The following HIVEP3 variants were observed in gnomAD, a reference collection of about 807,000 sequenced individuals.
HIVEP3 encodes transcription factor HIVEP3.
In HIVEP3, 49 loss-of-function variants were observed where a neutral mutation model predicts 152.8. The ratio of observed to expected loss-of-function variants is 0.32; its 90% CI spans 0.26 to 0.41. The LOEUF is 0.41. Among genes scored for constraint, HIVEP3 ranks in the 10% least tolerant of loss-of-function variants. The pLI is 1.00. For synonymous variants in HIVEP3, 1,269 were observed against 1,289.0 expected (o/e 0.98, Z 0.33); for missense variants, 2,790 against 3,103.3 (o/e 0.90, Z 2.40).
intron 3 of HIVEP3, among the ~76,000 whole-genome samples, chr1:41,625,308 ACTT>A (rs1645102535): frequency 6.6e-6 from 1 of 152,204 alleles, no homozygotes; most frequent in Non-Finnish European, 1.5e-5. Context: ...AGGTCAGCAA[ACTT>A]CTTCTGTAAA....
intron 1 of HIVEP3, among the ~76,000 whole-genome samples, chr1:41,972,465 A>G (rs957490996): frequency 4.6e-5 from 7 of 152,214 alleles, no homozygotes; most frequent in Non-Finnish European, 1.0e-4. Flanking sequence ...ATGGACAAGG[A>G]GGGTCCCTGC....
At chr1:41,739,454 T>C (rs1558227441) in intron 1 of HIVEP3, among the ~76,000 whole-genome samples, 1 of 152,150 alleles carries the variant, frequency 6.6e-6, no homozygotes, top group Admixed American at 6.5e-5. Flanking sequence ...GGCGGCCAAG[T>C]GACCGCCCAC....
chr1:41,758,001 C>T (rs911607413), intron 1 of HIVEP3, among the ~76,000 whole-genome samples: 2 of 152,148 alleles, frequency 1.3e-5, no homozygotes, highest in African/African-American at 2.4e-5. Context: ...TGTGAGCCAC[C>T]GCTCCCAGCC....
chr1:41,792,943 T>G (rs547656918), intron 1 of HIVEP3, among the ~76,000 whole-genome samples: 1 of 152,288 alleles, frequency 6.6e-6, no homozygotes, highest in East Asian at 1.9e-4. Context: ...ATGGGATGAA[T>G]AGTGGGGAGA....
intron 1 of HIVEP3, among the ~76,000 whole-genome samples, chr1:42,035,509 G>T (rs1181615242): frequency 6.6e-6 from 1 of 152,336 alleles, no homozygotes; most frequent in Admixed American, 6.5e-5. Context: ...CAGGTGTGGG[G>T]CCCGGGCTGA....
intron 1 of HIVEP3, among the ~76,000 whole-genome samples, chr1:42,001,830 C>T (rs1206470722): frequency 6.6e-6 from 1 of 152,104 alleles, no homozygotes; most frequent in Non-Finnish European, 1.5e-5. Context: ...GGGTATCTCA[C>T]CACTACCCCC....
At chr1:41,670,002 G>A (rs1645849908) in intron 2 of HIVEP3, among the ~76,000 whole-genome samples, 2 of 152,180 alleles carry the variant, frequency 1.3e-5, no homozygotes, top group Non-Finnish European at 2.9e-5. Context: ...TGAAGTAAGT[G>A]AGCATTTCCT....
intron 1 of HIVEP3, among the ~76,000 whole-genome samples, chr1:41,912,997 T>A (rs1233189677): frequency 6.6e-6 from 1 of 152,230 alleles, no homozygotes; most frequent in East Asian, 1.9e-4. Context: ...AGCACAAATG[T>A]GAACTGTATG....
intron 2 of HIVEP3, among the ~76,000 whole-genome samples, chr1:41,640,841 CAG>C (rs1273857134): frequency 6.6e-6 from 1 of 152,204 alleles, no homozygotes; most frequent in Non-Finnish European, 1.5e-5. Flanking sequence ...GCTTTGAAAA[CAG>C]AGAGATGTGG....
chr1:41,766,034 T>C (rs1647987717), intron 1 of HIVEP3, among the ~76,000 whole-genome samples: 1 of 152,250 alleles, frequency 6.6e-6, no homozygotes, highest in African/African-American at 2.4e-5. Flanking sequence ...GCTTGGCCGC[T>C]GCTGCAGAGG....
At chr1:41,810,902 C>T (rs1361814679) in intron 1 of HIVEP3, among the ~76,000 whole-genome samples, 2 of 152,134 alleles carry the variant, frequency 1.3e-5, no homozygotes, top group Non-Finnish European at 2.9e-5. Flanking sequence ...CCTGTAATGG[C>T]CCTGAAGCCT....
chr1:41,626,485 G>T (rs1176733414), intron 3 of HIVEP3, among the ~76,000 whole-genome samples: 2 of 152,208 alleles, frequency 1.3e-5, no homozygotes, highest in Admixed American at 6.5e-5. Context: ...CAAACAAAGA[G>T]TCTGGGCACG....
chr1:42,007,011 T>C (rs1645463528), intron 1 of HIVEP3, among the ~76,000 whole-genome samples: 1 of 152,244 alleles, frequency 6.6e-6, no homozygotes, highest in African/African-American at 2.4e-5. Context: ...TGATGAGTAC[T>C]CTCAGCATTG....
rs369398824 is a variant in HIVEP3, at chr1:41,647,101, T to C, written c.-720-18154A>G. On this transcript the variant is annotated intron_variant, in intron 2 of 8. Coordinates refer to ENST00000372583, the MANE Select transcript of HIVEP3 (RefSeq NM_024503.5). ...GATTCCACTGGGACCTTGTGGGTAATCCAGGACAATCACCCTACTCTAAAG... is the reference window on the plus strand; with the variant it reads ...GATTCCACTGGGACCTTGTGGGTAACCCAGGACAATCACCCTACTCTAAAG... Among the ~76,000 whole-genome samples, 78 of 152,296 alleles carry C rather than the reference T, an allele frequency of 5.1e-4. 2 individuals are homozygous for C. In the South Asian group the frequency reaches 0.013, roughly 26 times the overall value.
intron 1 of HIVEP3, among the ~76,000 whole-genome samples, chr1:42,002,634 A>G (rs1276712970): frequency 6.6e-6 from 1 of 152,242 alleles, no homozygotes; most frequent in African/African-American, 2.4e-5. Context: ...CAATTCCATC[A>G]GCAGATCCAG....
At chr1:41,970,399 G>C (rs1457156724) in intron 1 of HIVEP3, among the ~76,000 whole-genome samples, 1 of 152,156 alleles carries the variant, frequency 6.6e-6, no homozygotes, top group African/African-American at 2.4e-5. Context: ...GATGTGGATG[G>C]AGCTGGAAGC....
At chr1:41,619,546 C>T (rs2149139973) in intron 3 of HIVEP3, among the ~76,000 whole-genome samples, 1 of 152,292 alleles carries the variant, frequency 6.6e-6, no homozygotes, top group Non-Finnish European at 1.5e-5. Context: ...CAGAATGGTG[C>T]TTGGCCCCTT....
At chr1:41,653,685 C>G (rs1645585992) in intron 2 of HIVEP3, among the ~76,000 whole-genome samples, 1 of 152,172 alleles carries the variant, frequency 6.6e-6, no homozygotes, top group South Asian at 2.1e-4. Flanking sequence ...CAGGGCGACA[C>G]CAAATGTTCG....
At position 41,606,904 on chromosome 1, in the gene HIVEP3, G is replaced by T. The variant is rs765388418; in HGVS notation, c.-521-21586C>A. Among the ~76,000 whole-genome samples, 26 of 149,378 alleles carry T rather than the reference G, an allele frequency of 1.7e-4. 3 individuals are homozygous for T. Among genetic ancestry groups the T allele is most frequent in the African/African-American group, 6.7e-4 (26 of 38,968 alleles). On this transcript the variant is annotated intron_variant, in intron 3 of 8. Coordinates refer to ENST00000372583, the MANE Select transcript of HIVEP3 (RefSeq NM_024503.5). ...TGATGTTCTGAAATTTCACCAAGATGGGTCTGCATGCTCATTTTACTAATT... is the reference window on the plus strand; with the variant it reads ...TGATGTTCTGAAATTTCACCAAGATTGGTCTGCATGCTCATTTTACTAATT...
Sources: gnomAD v4.1 joint callset for allele counts (sites outside exome capture counted in the v4.1 genomes callset) on GRCh38, gnomAD v4.1.1 for gene constraint, MANE v1.5 for transcripts, NCBI Gene and HGNC (gene_info 2026-07-23, HGNC 2026-07-21) for gene names.